The following TRIM28 variants were observed in gnomAD, a reference collection of about 807,000 sequenced individuals.
TRIM28 encodes the protein transcription intermediary factor 1-beta.
TRIM28 carries 8 observed loss-of-function variants against 87.4 expected under a neutral mutation model. The observed-to-expected ratio is 0.09, with a 90% confidence interval of 0.05 to 0.17. The LOEUF (loss-of-function observed/expected upper bound fraction) is 0.17. Among genes scored for constraint, TRIM28 ranks in the 10% least tolerant of loss-of-function variants. The probability of loss-of-function intolerance (pLI) is 1.00; values close to 1 mark genes in which losing one functional copy is unlikely to be tolerated. For missense variants in TRIM28, 968 were observed against 1,131.8 expected, an observed-to-expected ratio of 0.86 and a Z score of 2.08; for synonymous variants, 601 against 454.3, an observed-to-expected ratio of 1.32 and a Z score of -4.11.
intron 1 of TRIM28, 126 bp from the exon 2 acceptor site, chr19:58,545,299 G>C (rs576309756): frequency 3.2e-6 from 3 of 938,760 alleles, no homozygotes; most frequent in Non-Finnish European, 4.9e-6. Context: ...AGAAAAGAAG[G>C]CTCGGGGAGG....
chr19:58,545,502 A>G lies in TRIM28; in HGVS notation c.418A>G (p.Ser140Gly), dbSNP rs758808746. 10 of 1,611,366 alleles carry G rather than the reference A, an allele frequency of 6.2e-6. No individual in the cohort carries two copies. In the Admixed American group the frequency reaches 1.7e-4, roughly 27 times the overall value. ...VENYFMRDSG[S>G]KAATDAQDAN... The stretch of plus-strand genomic sequence containing the variant: ...GAATTATTTCATGCGTGATAGTGGC[A>G]GCAAGGCTGCCACCGACGCCCAGGA... The change falls in exon 2 of 17, where the codon AGC (serine) becomes GGC (glycine). Residue 140 changes from serine (S) to glycine (G), a missense_variant. This residue lies in a region of TRIM28 where 51 missense variants were observed against 69.3 expected (regional missense o/e 0.74). Transcript: ENST00000253024.
chr19:58,548,102 C>T lies in TRIM28; in HGVS notation c.1023C>T (p.His341=), dbSNP rs765171630. The T allele has an allele frequency of 1.9e-5, 31 of 1,614,088 alleles. No homozygotes were observed. Among genetic ancestry groups the T allele is most frequent in the Non-Finnish European group, 2.3e-5 (27 of 1,180,040 alleles). The part of the protein sequence containing the change: ...QHWTMTKIQK[H]QEHILRFASW... ...GGACCATGACCAAGATCCAGAAGCA[C>T]CAGGAGCACATTCTGCGCTTTGCCT... The change falls in exon 7 of 17, where the codon CAC becomes CAT. Residue 341 remains histidine (H), a synonymous_variant. Coordinates refer to ENST00000253024, the MANE Select transcript of TRIM28 (RefSeq NM_005762.3).
In TRIM28 at chr19:58,544,122, G is replaced by C. The variant is rs2053735536; in HGVS notation, c.-636G>C. On this transcript the variant is annotated 5_prime_UTR_variant, in exon 1 of 17. Transcript: ENST00000253024. ...GCGAAGAGACGCGGGTTGAGGAAGA[G>C]GGACGGATTGCCCATGCGCTTGGGC... 1 of 152,516 alleles carries C rather than the reference G, an allele frequency of 6.6e-6. No homozygotes were observed. The highest frequency in any genetic ancestry group is 2.1e-4 in the South Asian group (1 of 4,844). The allele number at this position is 152,516 out of a possible 1,614,324, so 9.4% of individuals were successfully genotyped here.
chr19:58,545,063 C>T lies in TRIM28; in HGVS notation c.306C>T (p.Ser102=), dbSNP rs972485716. Residue 102 remains serine, a synonymous_variant, in exon 1 of 17, where the codon AGC becomes AGT. Transcript: ENST00000253024. ...CCGCGGCCCCCGCCGCCGCCAACAG[C>T]TCGGGGGACGGCGGGGCGGCGGGCG... The part of the protein sequence containing the change: ...LGPAAPAAAN[S]SGDGGAAGDG... The T allele has an allele frequency of 1.8e-5, 26 of 1,449,706 alleles. No homozygotes were observed. The Admixed American group carries it at 2.2e-4, about 12-fold the overall frequency. 89.8% of individuals were successfully genotyped at this position (1,449,706 alleles called of 1,614,324 possible). A position where few individuals can be genotyped will look rare whatever the true frequency, so the allele number is the denominator to read the frequency against.
At chr19:58,545,996 C>T (rs1368604274) in intron 3 of TRIM28, 100 bp downstream of exon 3, 1 of 1,421,486 alleles carries the variant, frequency 7.0e-7, no homozygotes. Flanking sequence ...TCCTAGAGTT[C>T]TCTAGGGGGT....
At position 58,547,911 on chromosome 19, in the gene TRIM28, G is replaced by T; in HGVS notation, c.954+5G>T. ...GTGCTGGTCAATGATGCCCAGGTAA[G>T]CCTTGTGCCGGTGAGAAGGGTCCCT... On this transcript the variant is annotated splice_donor_5th_base_variant and intron_variant, in intron 6 of 16. Coordinates refer to ENST00000253024, the MANE Select transcript of TRIM28 (RefSeq NM_005762.3). The T allele has an allele frequency of 6.2e-7, 1 of 1,614,160 alleles. No individual in the cohort carries two copies. Among genetic ancestry groups the T allele is most frequent in the Non-Finnish European group, 8.5e-7 (1 of 1,180,018 alleles).
chr19:58,548,864 G>A lies in TRIM28; in HGVS notation c.1363G>A (p.Asp455Asn). Residue 455 changes from aspartate (D) to asparagine (N), a missense_variant and splice_region_variant, in exon 11 of 17, where the codon GAT becomes AAT. Physicochemically the swap from Asp to Asn is conservative, Grantham distance 23. Coordinates refer to ENST00000253024, the MANE Select transcript of TRIM28 (RefSeq NM_005762.3). ...VQEGYGFGSG[D>N]DPYSSAEPHV... ...GTCTTCTTTCTCCATTTTCTAAGGA[G>A]ATGATCCCTACTCAAGTGCAGAGCC... 1 of 1,614,126 alleles carries A rather than the reference G, an allele frequency of 6.2e-7. No homozygotes were observed. The highest frequency in any genetic ancestry group is 8.5e-7 in the Non-Finnish European group (1 of 1,180,002).
At position 58,550,526 on chromosome 19, in the gene TRIM28, G is replaced by C; in HGVS notation, c.2481G>C (p.Leu827=). The change falls in exon 17 of 17, where the codon CTG becomes CTC. Residue 827 remains leucine, a synonymous_variant. Coordinates refer to ENST00000253024, the MANE Select transcript of TRIM28 (RefSeq NM_005762.3). ...LPGAGLSSQE[L]SGGPGDGP ...GTGCTGGCCTGAGTTCCCAGGAGCTGTCTGGTGGCCCTGGTGATGGCCCCT... is the reference window on the plus strand; with the variant it reads ...GTGCTGGCCTGAGTTCCCAGGAGCTCTCTGGTGGCCCTGGTGATGGCCCCT... The C allele has an allele frequency of 6.2e-7, 1 of 1,610,536 alleles. No individual in the cohort carries two copies. Among genetic ancestry groups the C allele is most frequent in the Non-Finnish European group, 8.5e-7 (1 of 1,179,886 alleles).
rs1600083733 is a variant in TRIM28 at position 58,549,660 on chromosome 19, A to T, written c.1982+10A>T. 2 of 1,606,760 alleles carry T rather than the reference A, an allele frequency of 1.2e-6. No homozygotes were observed. Among genetic ancestry groups the T allele is most frequent in the East Asian group, 4.5e-5 (2 of 44,712 alleles). ...TGCAGGATGTACCAGGGTGAGTGTG[A>T]GGCTGGTGGGGGTCAAGTCTGGGTG... On this transcript the variant is annotated intron_variant, in intron 13 of 16. Coordinates refer to ENST00000253024, the MANE Select transcript of TRIM28 (RefSeq NM_005762.3). This position sits in a 1 kb window ranked among gnomAD's most constrained non-coding sequence, Gnocchi z 4.4.
Position 58,547,633 on chromosome 19 carries a change from C to T in TRIM28, c.759C>T (p.Arg253=). 6.2e-7 allele frequency: 1 copy of T among 1,614,088 alleles called. No individual in the cohort carries two copies. The highest frequency in any genetic ancestry group is 2.2e-5 in the East Asian group (1 of 44,878). ...QFLEDAVRNQ[R]KLLASLVKRL... is the part of the protein sequence containing the mutation. ...TAGAGGATGCAGTGAGGAACCAGCG[C>T]AAGCTCCTGGCCTCACTGGTGAAGC... Residue 253 remains arginine (R), a synonymous_variant, in exon 5 of 17, where the codon CGC becomes CGT. Transcript: ENST00000253024.
rs769618389 is a variant in TRIM28, at chr19:58,548,720, G to C, written c.1324-20G>C. 1.2e-6 allele frequency: 2 copies of C among 1,613,208 alleles called. No homozygotes were observed. Among genetic ancestry groups the C allele is most frequent in the African/African-American group, 2.7e-5 (2 of 74,870 alleles). ...AGGGTTCCTGTCCCACTGAGGCAGA[G>C]GGTTCTGCTTTGTTCACAGCCCATG... On this transcript the variant is annotated intron_variant, in intron 9 of 16. Transcript: ENST00000253024.
At position 58,549,907 on chromosome 19, in the gene TRIM28, A is replaced by T. The variant is rs749537245; in HGVS notation, c.2107-42A>T. On this transcript the variant is annotated intron_variant, in intron 14 of 16. Coordinates refer to ENST00000253024, the MANE Select transcript of TRIM28 (RefSeq NM_005762.3). This position sits in a 1 kb window ranked among gnomAD's most constrained non-coding sequence, Gnocchi z 4.4. ...GTGGGGTTGCCCAGAGAGGCTTTAT[A>T]GGTGCTGCCCAGAGCTGTGACATCC... 1 of 1,613,972 alleles carries T rather than the reference A, an allele frequency of 6.2e-7. No individual in the cohort carries two copies. The highest frequency in any genetic ancestry group is 1.7e-5 in the Admixed American group (1 of 60,002).
At chr19:58,545,934 C>T (rs755864389) in intron 3 of TRIM28, 38 bp downstream of exon 3, 2 of 1,564,056 alleles carry the variant, frequency 1.3e-6, no homozygotes, top group East Asian at 2.3e-5. Flanking sequence ...AGTTGTTCTC[C>T]CATGTGTGCC....
rs1487274777 is a variant in TRIM28 at position 58,544,721 on chromosome 19, C to T, written c.-37C>T. 2.0e-6 allele frequency: 2 copies of T among 977,344 alleles called. No homozygotes were observed. Among genetic ancestry groups the T allele is most frequent in the East Asian group, 8.9e-5 (1 of 11,224 alleles). The allele number at this position is 977,344 out of a possible 1,614,324, so 60.5% of individuals were successfully genotyped here. A position where few individuals can be genotyped will look rare whatever the true frequency, so the allele number is the denominator to read the frequency against. ...TGCGCCTGCGCGGCGGGCCCCGCGC[C>T]CCTCCTCCCCCCCTGGGCGCCCCCG... On this transcript the variant is annotated 5_prime_UTR_variant, in exon 1 of 17. Coordinates refer to ENST00000253024, the MANE Select transcript of TRIM28 (RefSeq NM_005762.3).
In TRIM28 at chr19:58,547,644, C is replaced by T. The variant is rs2053773150; in HGVS notation, c.770C>T (p.Ala257Val). The change falls in exon 5 of 17, where the codon GCC (alanine) becomes GTC (valine). Residue 257 changes from alanine to valine, a missense_variant. Physicochemically the swap from Ala to Val is moderately conservative, Grantham distance 64. This residue lies in a region of TRIM28 where 103 missense variants were observed against 139.0 expected (regional missense o/e 0.74). Transcript: ENST00000253024. ...DAVRNQRKLL[A>V]SLVKRLGDKH... The stretch of plus-strand genomic sequence containing the variant: ...GTGAGGAACCAGCGCAAGCTCCTGG[C>T]CTCACTGGTGAAGCGCCTTGGGGAC... 1 of 1,614,006 alleles carries T rather than the reference C, an allele frequency of 6.2e-7. No homozygotes were observed. Among genetic ancestry groups the T allele is most frequent in the Non-Finnish European group, 8.5e-7 (1 of 1,180,044 alleles).
At chr19:58,545,385 G>C (rs2305122) in intron 1 of TRIM28, 40 bp from the exon 2 acceptor site, 264,770 of 1,520,586 alleles carry the variant, frequency 0.17, 23,879 homozygotes, top group Middle Eastern at 0.27. Context: ...TAACCTGGGT[G>C]GGAACTTGTA....
At chr19:58,545,930 T>A in intron 3 of TRIM28, 34 bp downstream of exon 3, 1 of 1,571,994 alleles carries the variant, frequency 6.4e-7, no homozygotes, top group Non-Finnish European at 8.7e-7. Context: ...TTGGAGTTGT[T>A]CTCCCATGTG....
rs1459235716 is a variant in TRIM28 at position 58,544,922 on chromosome 19, C to T, written c.165C>T (p.Gly55=). ...CGGCGTCGTCGCCCGCGGGGGGCGGCGCCGAGGCGCTGGAGCTGCTGGAGC... is the reference window on the plus strand; with the variant it reads ...CGGCGTCGTCGCCCGCGGGGGGCGGTGCCGAGGCGCTGGAGCTGCTGGAGC... The part of the protein sequence containing the change: ...SAAASSPAGG[G]AEALELLEHC... The change falls in exon 1 of 17, where the codon GGC becomes GGT. Residue 55 remains glycine, a synonymous_variant. Transcript: ENST00000253024. 1.1e-5 allele frequency: 15 copies of T among 1,416,658 alleles called. No individual in the cohort carries two copies. Among genetic ancestry groups the T allele is most frequent in the Middle Eastern group, 2.4e-4 (1 of 4,220 alleles). The allele number at this position is 1,416,658 out of a possible 1,614,324, so 87.8% of individuals were successfully genotyped here. A position where few individuals can be genotyped will look rare whatever the true frequency, so the allele number is the denominator to read the frequency against.
chr19:58,549,447 C>G lies in TRIM28; in HGVS notation c.1779C>G (p.Ala593=), dbSNP rs530667133. Residue 593 remains alanine, a synonymous_variant, in exon 13 of 17, where the codon GCC becomes GCG. Coordinates refer to ENST00000253024, the MANE Select transcript of TRIM28 (RefSeq NM_005762.3). This position sits in a 1 kb window ranked among gnomAD's most constrained non-coding sequence, Gnocchi z 4.4. Reference sequence around the variant, plus strand: ...CTGGTGCTGAGGGTCCCCGCCTGGCCTCACCTAGTGGCAGCACCAGCTCAG... The same window carrying G: ...CTGGTGCTGAGGGTCCCCGCCTGGCGTCACCTAGTGGCAGCACCAGCTCAG... The part of the protein sequence containing the change: ...EGPGAEGPRL[A]SPSGSTSSGL... The G allele has an allele frequency of 1.4e-5, 23 of 1,610,418 alleles. No homozygotes were observed. Among genetic ancestry groups the G allele is most frequent in the South Asian group, 6.6e-5 (6 of 90,974 alleles).
Sources: allele counts gnomAD v4.1 joint callset, GRCh38; gene constraint gnomAD v4.1.1; regional missense constraint gnomAD v4.1.1; non-coding constraint Gnocchi (gnomAD v3.1); transcripts MANE v1.5; gene names NCBI Gene and HGNC (gene_info 2026-07-23, HGNC 2026-07-21).